Variants in PTPRD observed in about 807,000 individuals in gnomAD.
PTPRD encodes receptor-type tyrosine-protein phosphatase delta.
In PTPRD, 34 loss-of-function variants were observed where a neutral mutation model predicts 214.5. The observed-to-expected ratio is 0.16, with a 90% CI of 0.12 to 0.21. PTPRD has a LOEUF of 0.21. PTPRD is among the 10% of genes least tolerant of loss of function. The pLI is 1.00. For missense variants in PTPRD, 2,545 were observed against 2,398.7 expected, an observed-to-expected ratio of 1.06 and a Z score of -1.27; for synonymous variants, 1,128 against 845.7, an observed-to-expected ratio of 1.33 and a Z score of -5.79.
chr9:10,208,873 G>C (rs72614092), intron 3 of PTPRD, among the ~76,000 whole-genome samples: 8,993 of 152,216 alleles, frequency 0.059, 713 homozygotes, highest in East Asian at 0.36. Context: ...TGCACCAGCT[G>C]TGAAGAATTT....
intron 8 of PTPRD, among the ~76,000 whole-genome samples, chr9:9,450,760 T>TTC (rs750901671): frequency 0.042 from 6,410 of 151,276 alleles, 186 homozygotes; most frequent in Non-Finnish European, 0.063. Context: ...GGGGGGGGTG[T>TTC]GTGTGTCCCT....
chr9:10,141,194 A>G (rs891629014), intron 3 of PTPRD, among the ~76,000 whole-genome samples: 4 of 152,112 alleles, frequency 2.6e-5, no homozygotes, highest in African/African-American at 9.7e-5. Context: ...CTGGCACAAG[A>G]CAGGGATGCC....
intron 8 of PTPRD, among the ~76,000 whole-genome samples, chr9:9,509,449 C>T (rs1165563987): frequency 1.3e-5 from 2 of 151,448 alleles, no homozygotes; most frequent in African/African-American, 4.8e-5. Flanking sequence ...TAGATCATCA[C>T]AACTGGACAA....
At chr9:8,560,472 C>CAT (rs112868505) in intron 14 of PTPRD, among the ~76,000 whole-genome samples, 80 of 139,918 alleles carry the variant, frequency 5.7e-4, no homozygotes, top group South Asian at 1.5e-3. Context: ...CACACACACA[C>CAT]ATATATACAC....
chr9:9,948,683 T>G (rs776284373), intron 4 of PTPRD, among the ~76,000 whole-genome samples: 3 of 152,070 alleles, frequency 2.0e-5, no homozygotes, highest in Non-Finnish European at 2.9e-5. Flanking sequence ...AGAAGTGTAT[T>G]CACTTAATTT....
intron 3 of PTPRD, among the ~76,000 whole-genome samples, chr9:10,307,545 T>C (rs953636555): frequency 6.6e-6 from 1 of 152,132 alleles, no homozygotes; most frequent in African/African-American, 2.4e-5. Flanking sequence ...ATCTCTTTAA[T>C]ATATGGCTTT....
At chr9:8,346,638 C>A (rs1246264741) in intron 39 of PTPRD, among the ~76,000 whole-genome samples, 1 of 152,102 alleles carries the variant, frequency 6.6e-6, no homozygotes, top group African/African-American at 2.4e-5. Context: ...TCTCGGTTAT[C>A]CGATGGACTG....
chr9:8,504,674 T>TA (rs1478856434), intron 22 of PTPRD, among the ~76,000 whole-genome samples: 1 of 152,184 alleles, frequency 6.6e-6, no homozygotes, highest in Non-Finnish European at 1.5e-5. Context: ...ATACATCAGA[T>TA]AAGACGAAGA....
At chr9:10,273,926 T>C (rs1207569055) in intron 3 of PTPRD, among the ~76,000 whole-genome samples, 5 of 152,170 alleles carry the variant, frequency 3.3e-5, no homozygotes, top group Non-Finnish European at 1.5e-5. Context: ...CAAAAGTTTT[T>C]AGCTAACTCA....
chr9:8,618,607 C>T, intron 14 of PTPRD, among the ~76,000 whole-genome samples: 1 of 152,086 alleles, frequency 6.6e-6, no homozygotes, highest in East Asian at 1.9e-4. Context: ...ACCAAGACAA[C>T]TCAGTTCCAA....
At chr9:9,621,572 A>G (rs955686275) in intron 7 of PTPRD, among the ~76,000 whole-genome samples, 3 of 152,226 alleles carry the variant, frequency 2.0e-5, no homozygotes, top group African/African-American at 7.2e-5. Flanking sequence ...TCAGTGTGAA[A>G]GCAGGATGAA....
chr9:9,832,827 T>C (rs1459157481), intron 5 of PTPRD, among the ~76,000 whole-genome samples: 1 of 151,120 alleles, frequency 6.6e-6, no homozygotes, highest in Non-Finnish European at 1.5e-5. Context: ...AGAGCAAAAA[T>C]ATACAAAGAC....
intron 11 of PTPRD, among the ~76,000 whole-genome samples, chr9:8,966,379 A>G (rs2099194771): frequency 6.6e-6 from 1 of 152,082 alleles, no homozygotes; most frequent in African/African-American, 2.4e-5. Context: ...CCAAAACAGC[A>G]TGGTACTGGC....
At chr9:9,382,547 A>G (rs1008740192) in intron 9 of PTPRD, among the ~76,000 whole-genome samples, 2 of 152,150 alleles carry the variant, frequency 1.3e-5, no homozygotes, top group African/African-American at 4.8e-5. Context: ...CAAAGACAAC[A>G]TTCAAACAAC....
At chr9:9,698,406 C>A (rs1285359665) in intron 7 of PTPRD, among the ~76,000 whole-genome samples, 1 of 152,142 alleles carries the variant, frequency 6.6e-6, no homozygotes, top group East Asian at 1.9e-4. Flanking sequence ...TAGTGAAATT[C>A]AGTGTGTTGC....
chr9:9,487,396 T>A (rs1004845842), intron 8 of PTPRD, among the ~76,000 whole-genome samples: 10 of 152,196 alleles, frequency 6.6e-5, no homozygotes, highest in Non-Finnish European at 1.2e-4. Flanking sequence ...GAACTCATCC[T>A]TTTTTATGGC....
chr9:9,330,837 T>A (rs1000454304), intron 9 of PTPRD, among the ~76,000 whole-genome samples: 3 of 151,592 alleles, frequency 2.0e-5, no homozygotes, highest in African/African-American at 7.3e-5. Flanking sequence ...GAAAGAGACA[T>A]GGGATATTTC....
intron 3 of PTPRD, among the ~76,000 whole-genome samples, chr9:10,177,213 T>C (rs371263780): frequency 6.6e-6 from 1 of 151,796 alleles, no homozygotes; most frequent in East Asian, 1.9e-4. Flanking sequence ...CAAGGATGAG[T>C]AGGAAATTGC....
chr9:10,213,629 A>C (rs2099527133), intron 3 of PTPRD, among the ~76,000 whole-genome samples: 1 of 152,138 alleles, frequency 6.6e-6, no homozygotes, highest in African/African-American at 2.4e-5. Flanking sequence ...TCTAACAAAA[A>C]TGCTTAATGC....
Sources: allele counts gnomAD v4.1 joint callset (sites outside exome capture counted in the v4.1 genomes callset), GRCh38; gene constraint gnomAD v4.1.1; transcripts MANE v1.5; gene names NCBI Gene and HGNC (gene_info 2026-07-23, HGNC 2026-07-21).